The following MFHAS1 variants were observed in gnomAD, a reference collection of about 807,000 sequenced individuals.
MFHAS1 encodes the protein multifunctional ROCO family signaling regulator 1.
MFHAS1 carries 50 observed loss-of-function variants against 70.4 expected under a neutral mutation model. That is an observed-to-expected ratio of 0.71 (90% confidence interval 0.57 to 0.90). MFHAS1 has a LOEUF of 0.90. Ranked by LOEUF, MFHAS1 falls within the 40% of genes least tolerant of loss-of-function variation. The pLI is 0.00. For synonymous variants in MFHAS1, 952 were observed against 620.0 expected (o/e 1.54, Z -7.96); for missense variants, 1,795 against 1,347.6 (o/e 1.33, Z -5.20).
At chr8:8,874,566 G>A (rs1809219064) in intron 1 of MFHAS1, among the ~76,000 whole-genome samples, 1 of 152,144 alleles carries the variant, frequency 6.6e-6, no homozygotes, top group South Asian at 2.1e-4. Context: ...GAGACAGTTT[G>A]GGGAGGGGTT....
In MFHAS1 at chr8:8,890,239, G is replaced by C. The variant is rs1205471348; in HGVS notation, c.2820C>G (p.Thr940=). The C allele has an allele frequency of 1.9e-6, 3 of 1,614,118 alleles. No homozygotes were observed. The highest frequency in any genetic ancestry group is 1.1e-5 in the South Asian group (1 of 91,080). ...RPARGVLQPD[T]LSIASHASLP... is the part of the protein sequence containing the mutation. ...ATGATGCATGGCTAGCAATGGACAG[G>C]GTGTCTGGCTGCAGGACTCCCCTGG... is the stretch of plus-strand genomic sequence containing the variant. The change falls in exon 1 of 3, where the codon ACC becomes ACG. Residue 940 remains threonine, a synonymous_variant. Coordinates refer to ENST00000276282, the MANE Select transcript of MFHAS1 (RefSeq NM_004225.3).
chr8:8,865,722 T>C lies in MFHAS1; in HGVS notation c.2998+24339A>G, dbSNP rs566996634. Among the ~76,000 whole-genome samples the C allele has an allele frequency of 8.3e-4, 126 of 152,364 alleles. 1 individual carries two copies. The highest frequency in any genetic ancestry group is 2.8e-3 in the African/African-American group (118 of 41,588). Reference sequence around the variant, plus strand: ...TCTAGTAATTATTATCTGAACTGAGTTGCCACTATTAAACCAGGCAGCCAC... The same window carrying C: ...TCTAGTAATTATTATCTGAACTGAGCTGCCACTATTAAACCAGGCAGCCAC... On this transcript the variant is annotated intron_variant, in intron 1 of 2. Coordinates refer to ENST00000276282, the MANE Select transcript of MFHAS1 (RefSeq NM_004225.3).
At chr8:8,824,464 T>A in intron 1 of MFHAS1, among the ~76,000 whole-genome samples, 1 of 145,784 alleles carries the variant, frequency 6.9e-6, no homozygotes, top group East Asian at 2.1e-4. Context: ...CTGGCTCAGA[T>A]GCAGTGCTAG....
chr8:8,879,059 A>G (rs1038188790), intron 1 of MFHAS1, among the ~76,000 whole-genome samples: 9 of 152,136 alleles, frequency 5.9e-5, no homozygotes, highest in Non-Finnish European at 1.3e-4. Flanking sequence ...AAAAAAGGTA[A>G]GGACTACTGC....
At chr8:8,787,136 A>G (rs1173213262) in intron 2 of MFHAS1, among the ~76,000 whole-genome samples, 3 of 150,166 alleles carry the variant, frequency 2.0e-5, no homozygotes, top group Non-Finnish European at 4.4e-5. Context: ...GCTGGAGTGC[A>G]GTGGCGCAAT....
intron 1 of MFHAS1, among the ~76,000 whole-genome samples, chr8:8,811,955 A>G (rs147025520): frequency 3.0e-4 from 46 of 152,228 alleles, no homozygotes; most frequent in African/African-American, 1.1e-3. Context: ...GGGCAGTACT[A>G]CCTTCTCCGC....
chr8:8,883,632 C>T (rs1389594247), intron 1 of MFHAS1, among the ~76,000 whole-genome samples: 2 of 140,038 alleles, frequency 1.4e-5, no homozygotes, highest in African/African-American at 5.5e-5. Context: ...CACTTGAACC[C>T]AGGAGGTGGA....
intron 1 of MFHAS1, among the ~76,000 whole-genome samples, chr8:8,816,648 C>T (rs1359185933): frequency 6.6e-6 from 1 of 152,264 alleles, no homozygotes; most frequent in Admixed American, 6.5e-5. Context: ...TGAAGCTCTA[C>T]GCAAACATGT....
chr8:8,824,521 T>TCTCACACACACACACA (rs1484537416), intron 1 of MFHAS1, among the ~76,000 whole-genome samples: 9 of 146,024 alleles, frequency 6.2e-5, no homozygotes, highest in African/African-American at 2.1e-4. Context: ...TCTCTCTCTT[T>TCTCACACACACACACA]CACACACACA....
At chr8:8,812,393 A>G (rs1227340283) in intron 1 of MFHAS1, among the ~76,000 whole-genome samples, 1 of 152,094 alleles carries the variant, frequency 6.6e-6, no homozygotes, top group Non-Finnish European at 1.5e-5. Flanking sequence ...TGGTGGGCAC[A>G]TCTCTGGAGA....
chr8:8,835,612 T>G (rs1225583700), intron 1 of MFHAS1, among the ~76,000 whole-genome samples: 1 of 152,226 alleles, frequency 6.6e-6, no homozygotes, highest in African/African-American at 2.4e-5. Flanking sequence ...CAACTTAATT[T>G]TCAGCACTTA....
intron 1 of MFHAS1, among the ~76,000 whole-genome samples, chr8:8,809,643 T>G (rs1806475625): frequency 6.6e-6 from 1 of 152,188 alleles, no homozygotes; most frequent in South Asian, 2.1e-4. Context: ...CCCCTTTTCC[T>G]GCTCTGGATA....
intron 1 of MFHAS1, among the ~76,000 whole-genome samples, chr8:8,840,633 C>T (rs1807785027): frequency 1.3e-5 from 2 of 152,156 alleles, no homozygotes; most frequent in African/African-American, 2.4e-5. Context: ...TTCAGTTCTT[C>T]TGAAGGCACA....
chr8:8,890,771 T>A lies in MFHAS1; in HGVS notation c.2288A>T (p.Glu763Val), dbSNP rs968665596. ...LLGTSGEGKA[E>V]GESSPPMARS... is the part of the protein sequence containing the mutation. Reference sequence around the variant, plus strand: ...CGCCATGGGCGGGGAGCTTTCCCCCTCCGCCTTGCCCTCTCCACTGGTCCC... The same window carrying A: ...CGCCATGGGCGGGGAGCTTTCCCCCACCGCCTTGCCCTCTCCACTGGTCCC... The change falls in exon 1 of 3, where the codon GAG becomes GTG. Residue 763 changes from glutamate (E) to valine (V), a missense_variant. Transcript: ENST00000276282. The A allele has an allele frequency of 6.2e-7, 1 of 1,613,950 alleles. No homozygotes were observed.
intron 1 of MFHAS1, among the ~76,000 whole-genome samples, chr8:8,881,364 A>T (rs886100725): frequency 6.6e-6 from 1 of 152,246 alleles, no homozygotes; most frequent in Non-Finnish European, 1.5e-5. Flanking sequence ...CATCATATAG[A>T]GTACACATGC....
chr8:8,791,558 G>C (rs751512987), intron 2 of MFHAS1, among the ~76,000 whole-genome samples: 1 of 152,114 alleles, frequency 6.6e-6, no homozygotes, highest in Non-Finnish European at 1.5e-5. Context: ...GAAATGAAAC[G>C]CAACCAGCAA....
intron 1 of MFHAS1, among the ~76,000 whole-genome samples, chr8:8,835,731 C>G (rs73504233): frequency 0.035 from 5,255 of 152,252 alleles, 241 homozygotes; most frequent in African/African-American, 0.11. Flanking sequence ...GTATTTGGGA[C>G]ACCCATTATA....
intron 1 of MFHAS1, among the ~76,000 whole-genome samples, chr8:8,887,018 T>G (rs1809783925): frequency 6.6e-6 from 1 of 152,070 alleles, no homozygotes; most frequent in Non-Finnish European, 1.5e-5. Context: ...TTCCAGCTAC[T>G]TGGGAGGCTG....
intron 1 of MFHAS1, among the ~76,000 whole-genome samples, chr8:8,826,821 G>C (rs927632060): frequency 3.3e-5 from 5 of 152,088 alleles, no homozygotes; most frequent in African/African-American, 9.7e-5. Flanking sequence ...TTTTCCATCA[G>C]AAATGCAGAT....
Sources: allele counts gnomAD v4.1 joint callset (sites outside exome capture counted in the v4.1 genomes callset), GRCh38; gene constraint gnomAD v4.1.1; transcripts MANE v1.5; gene names NCBI Gene and HGNC (gene_info 2026-07-23, HGNC 2026-07-21).